Variants in DPYD observed in about 807,000 individuals in gnomAD.
DPYD encodes dihydropyrimidine dehydrogenase, also known as dihydropyrimidine dehydrogenase [NADP(+)].
A neutral mutation model predicts 116.2 loss-of-function variants in DPYD; 109 were observed. That is an observed-to-expected ratio of 0.94 (90% CI 0.80 to 1.10). The LOEUF is 1.10. Among genes scored for constraint, DPYD ranks in the 50% least tolerant of loss-of-function variants. The pLI, the probability that DPYD is intolerant of heterozygous loss-of-function variation, is 0.00. For synonymous variants in DPYD, 440 were observed against 432.0 expected (o/e 1.02, Z -0.23); for missense variants, 1,302 against 1,254.5 (o/e 1.04, Z -0.57).
intron 20 of DPYD, among the ~76,000 whole-genome samples, chr1:97,152,514 T>C (rs1014559508): frequency 2.6e-5 from 4 of 151,538 alleles, no homozygotes; most frequent in African/African-American, 4.8e-5. Flanking sequence ...CATGCAGATA[T>C]AGTTAATATC....
At chr1:97,661,387 T>C (rs1364889448) in intron 8 of DPYD, among the ~76,000 whole-genome samples, 1 of 152,146 alleles carries the variant, frequency 6.6e-6, no homozygotes, top group African/African-American at 2.4e-5. Flanking sequence ...TGGAAACATA[T>C]AGAATCGAGG....
intron 13 of DPYD, among the ~76,000 whole-genome samples, chr1:97,458,989 G>C (rs1676860365): frequency 6.6e-6 from 1 of 152,104 alleles, no homozygotes. Context: ...GTGGGAGCCA[G>C]TGCAAAGAAA....
intron 8 of DPYD, among the ~76,000 whole-genome samples, chr1:97,633,405 G>A (rs1657386836): frequency 6.6e-6 from 1 of 152,046 alleles, no homozygotes; most frequent in African/African-American, 2.4e-5. Flanking sequence ...CCAAAGATAA[G>A]TGGCCAAAAC....
At chr1:97,703,647 C>T (rs1002897746) in intron 5 of DPYD, among the ~76,000 whole-genome samples, 4 of 151,890 alleles carry the variant, frequency 2.6e-5, no homozygotes, top group African/African-American at 9.7e-5. Context: ...ACCTCAGTAG[C>T]ACTAATTATA....
intron 5 of DPYD, among the ~76,000 whole-genome samples, chr1:97,704,473 AAAGT>A (rs1305866759): frequency 3.4e-4 from 51 of 152,046 alleles, no homozygotes; most frequent in South Asian, 1.5e-3. Context: ...AAAGTTTACA[AAAGT>A]TAGTTAAAAC....
chr1:97,845,537 G>A (rs146316231), intron 2 of DPYD, among the ~76,000 whole-genome samples: 3 of 152,184 alleles, frequency 2.0e-5, no homozygotes, highest in Admixed American at 6.5e-5. Context: ...GTACTGTTCT[G>A]TCACACAGTG....
intron 13 of DPYD, among the ~76,000 whole-genome samples, chr1:97,506,981 C>A (rs1183152471): frequency 3.9e-5 from 6 of 151,968 alleles, no homozygotes; most frequent in African/African-American, 7.2e-5. Flanking sequence ...CAAGATTTAG[C>A]TTCAATATTG....
At chr1:97,397,166 A>T (rs983400940) in intron 14 of DPYD, among the ~76,000 whole-genome samples, 1 of 152,002 alleles carries the variant, frequency 6.6e-6, no homozygotes, top group African/African-American at 2.4e-5. Flanking sequence ...CCCTATGAAG[A>T]TTGTAATACT....
chr1:97,156,538 G>A lies in DPYD; in HGVS notation c.2622+36531C>T, dbSNP rs112988083. On this transcript the variant is annotated intron_variant, in intron 20 of 22. Transcript: ENST00000370192. Reference sequence around the variant, plus strand: ...AAAATGCTCACCATCACTGGCCATCGGAGAAATGCAAATCAAAACCACAAT... The same window carrying A: ...AAAATGCTCACCATCACTGGCCATCAGAGAAATGCAAATCAAAACCACAAT... Among the ~76,000 whole-genome samples, 295 of 152,060 alleles carry A rather than the reference G, an allele frequency of 1.9e-3. 1 individual carries two copies. Among genetic ancestry groups the A allele is most frequent in the African/African-American group, 6.6e-3 (273 of 41,502 alleles).
intron 14 of DPYD, among the ~76,000 whole-genome samples, chr1:97,387,040 C>A (rs982863962): frequency 1.3e-5 from 2 of 151,912 alleles, no homozygotes; most frequent in African/African-American, 4.8e-5. Context: ...AATAAATACC[C>A]AATGAAATAT....
chr1:97,695,317 CT>C (rs1661236310), intron 6 of DPYD, among the ~76,000 whole-genome samples: 1 of 149,784 alleles, frequency 6.7e-6, no homozygotes, highest in Non-Finnish European at 1.5e-5. Context: ...TTGTGTGATT[CT>C]TATTCAATCT....
intron 1 of DPYD, among the ~76,000 whole-genome samples, chr1:97,892,659 GAC>G (rs964735263): frequency 1.3e-5 from 2 of 151,748 alleles, no homozygotes; most frequent in African/African-American, 2.4e-5. Flanking sequence ...TCTTTGCCCA[GAC>G]ACAGGTTTCT....
intron 13 of DPYD, among the ~76,000 whole-genome samples, chr1:97,455,602 C>A (rs1676638984): frequency 6.6e-6 from 1 of 151,826 alleles, no homozygotes; most frequent in Non-Finnish European, 1.5e-5. Flanking sequence ...CAGATTCCAT[C>A]ATTATAAATC....
At chr1:97,586,388 G>A (rs1171366736) in intron 10 of DPYD, 1 of 144,480 alleles carries the variant, frequency 6.9e-6, no homozygotes, top group Non-Finnish European at 1.5e-5. Context: ...ATTAAATAAG[G>A]CCTGACAGTG....
intron 13 of DPYD, among the ~76,000 whole-genome samples, chr1:97,476,867 T>A (rs527973026): frequency 6.6e-6 from 1 of 152,288 alleles, no homozygotes; most frequent in Admixed American, 6.5e-5. Flanking sequence ...TCCCAGTGTA[T>A]AAAATATATA....
intron 18 of DPYD, among the ~76,000 whole-genome samples, chr1:97,248,243 C>T (rs1350124968): frequency 1.3e-5 from 2 of 152,166 alleles, no homozygotes; most frequent in African/African-American, 4.8e-5. Flanking sequence ...CCACACTTCC[C>T]ACGTGTTGTG....
chr1:97,598,956 A>T (rs960769019), intron 8 of DPYD, among the ~76,000 whole-genome samples: 3 of 152,220 alleles, frequency 2.0e-5, no homozygotes, highest in Non-Finnish European at 4.4e-5. Context: ...TTAAGGTTAT[A>T]ACTAGGCCAG....
chr1:97,161,515 G>C (rs1655894791), intron 20 of DPYD, among the ~76,000 whole-genome samples: 1 of 152,036 alleles, frequency 6.6e-6, no homozygotes, highest in Non-Finnish European at 1.5e-5. Context: ...GGAATATACA[G>C]AGACATTATC....
intron 14 of DPYD, among the ~76,000 whole-genome samples, chr1:97,405,995 T>C (rs886924457): frequency 6.6e-6 from 1 of 152,116 alleles, no homozygotes; most frequent in African/African-American, 2.4e-5. Flanking sequence ...TCTAGATAAA[T>C]CTCACAATAT....
Sources: allele counts gnomAD v4.1 joint callset (sites outside exome capture counted in the v4.1 genomes callset), GRCh38; gene constraint gnomAD v4.1.1; transcripts MANE v1.5; gene names NCBI Gene and HGNC (gene_info 2026-07-23, HGNC 2026-07-21).